Variants in ATP2C1 observed in about 807,000 individuals in gnomAD.
The protein encoded by ATP2C1 is calcium-transporting ATPase type 2C member 1.
In ATP2C1, 31 loss-of-function variants were observed where a neutral mutation model predicts 120.5. That is an observed-to-expected ratio of 0.26 (90% CI 0.19 to 0.35). ATP2C1 has a LOEUF of 0.35. ATP2C1 is among the 10% of genes least tolerant of loss of function. ATP2C1 has a pLI of 1.00. For synonymous variants in ATP2C1, 351 were observed against 358.7 expected (o/e 0.98, Z 0.24); for missense variants, 731 against 1,107.5 (o/e 0.66, Z 4.83).
chr3:130,866,451 C>CT (rs1323074299), intron 1 of ATP2C1, among the ~76,000 whole-genome samples: 2 of 152,226 alleles, frequency 1.3e-5, no homozygotes, highest in African/African-American at 4.8e-5. Context: ...TTCCCTACTC[C>CT]TCTTCTTTCA....
At chr3:130,854,771 C>A (rs566917693) in intron 1 of ATP2C1, among the ~76,000 whole-genome samples, 1 of 152,324 alleles carries the variant, frequency 6.6e-6, no homozygotes, top group Admixed American at 6.5e-5. Context: ...GTGGGACAGT[C>A]TACTCTCTCT....
At chr3:131,008,569 GGCAGCAAAGGTGAGCAGTT>G (rs900493677) in intron 26 of ATP2C1, among the ~76,000 whole-genome samples, 19 of 152,084 alleles carry the variant, frequency 1.2e-4, no homozygotes, top group East Asian at 5.8e-4. Flanking sequence ...GTCATGCTGT[GGCAGCAAAGGTGAGCAGTT>G]GCAGCAAAGG....
At chr3:130,881,389 C>A (rs755161789) in intron 1 of ATP2C1, among the ~76,000 whole-genome samples, 59 of 150,510 alleles carry the variant, frequency 3.9e-4, no homozygotes, top group Middle Eastern at 3.4e-3. Context: ...CCTCCTTTGT[C>A]TCTCTCTCAT....
rs199656717 is a variant in ATP2C1, at chr3:130,869,727, T to C, written c.108+18799T>C. On this transcript the variant is annotated intron_variant, in intron 1 of 26. Coordinates refer to the ATP2C1 transcript ENST00000504381. ...AATTCAGAGTAAGTCTCTAACTCTC[T>C]TGAATTCTGTGAAGGTTGAGAGAGG... 5.9e-5 allele frequency among the ~76,000 whole-genome samples: 9 copies of C among 152,322 alleles called. No individual in the cohort carries two copies. The East Asian group carries it at 1.5e-3, about 26-fold the overall frequency.
chr3:130,981,814 T>C (rs59783676), intron 20 of ATP2C1, among the ~76,000 whole-genome samples: 1,834 of 152,356 alleles, frequency 0.012, 39 homozygotes, highest in African/African-American at 0.041. Context: ...CTAGTGATGT[T>C]GAATATCTTT....
intron 2 of ATP2C1, among the ~76,000 whole-genome samples, chr3:130,907,061 T>G (rs1304929361): frequency 7.0e-6 from 1 of 142,498 alleles, no homozygotes; most frequent in African/African-American, 2.8e-5. Flanking sequence ...TTGTAAGAGT[T>G]CTTTATATAT....
chr3:130,943,242 G>GTC (rs1481736475), intron 8 of ATP2C1, among the ~76,000 whole-genome samples: 2 of 152,140 alleles, frequency 1.3e-5, no homozygotes, highest in African/African-American at 4.8e-5. Context: ...TTGAGATGGA[G>GTC]TCTCACTCTG....
At chr3:130,923,722 C>G (rs2059070367) in intron 2 of ATP2C1, among the ~76,000 whole-genome samples, 1 of 151,736 alleles carries the variant, frequency 6.6e-6, no homozygotes, top group African/African-American at 2.4e-5. Context: ...CAAAAATTAG[C>G]CAGGTGTGGT....
At chr3:130,961,244 A>G (rs2060805634) in intron 12 of ATP2C1, among the ~76,000 whole-genome samples, 1 of 49,146 alleles carries the variant, frequency 2.0e-5, no homozygotes. Flanking sequence ...GTTTTTGAGG[A>G]TTTGGGTTTT....
chr3:130,970,516 C>T (rs1008829770), intron 17 of ATP2C1, among the ~76,000 whole-genome samples: 2 of 152,010 alleles, frequency 1.3e-5, no homozygotes, highest in African/African-American at 4.8e-5. Flanking sequence ...CTTCAGCTTC[C>T]CAAGTAGCTG....
chr3:130,894,444 C>T lies in ATP2C1; in HGVS notation c.-181+107C>T. On this transcript the variant is annotated intron_variant, in intron 1 of 27. Coordinates refer to ENST00000510168, the MANE Select transcript of ATP2C1 (RefSeq NM_001378687.1). This position sits in a 1 kb window ranked among gnomAD's most constrained non-coding sequence, Gnocchi z 4.5. ...ATGGGGGGGCATCTCTAGGGCGCCG[C>T]CCCGCTGGCGTGAGCTGGGGACGTT... The T allele has an allele frequency of 3.1e-6, 4 of 1,309,498 alleles. No homozygotes were observed. Among genetic ancestry groups the T allele is most frequent in the Non-Finnish European group, 3.9e-6 (4 of 1,023,294 alleles). The allele number at this position is 1,309,498 out of a possible 1,614,324, so 81.1% of individuals were successfully genotyped here.
chr3:130,963,160 G>A (rs191284191), intron 12 of ATP2C1: 1 of 151,990 alleles, frequency 6.6e-6, no homozygotes, highest in Admixed American at 6.6e-5. Context: ...GATAAAATAC[G>A]CATATTATAA....
chr3:130,871,877 C>T (rs962570403), intron 1 of ATP2C1, among the ~76,000 whole-genome samples: 15 of 152,102 alleles, frequency 9.9e-5, no homozygotes, highest in Non-Finnish European at 2.9e-5. Flanking sequence ...CAAAAATTAG[C>T]CAGGCGTGCT....
At chr3:130,854,792 G>A (rs554636925) in intron 1 of ATP2C1, among the ~76,000 whole-genome samples, 1 of 152,178 alleles carries the variant, frequency 6.6e-6, no homozygotes, top group Non-Finnish European at 1.5e-5. Flanking sequence ...CCTTGGGTGA[G>A]TTCTTCTATT....
At position 130,927,920 on chromosome 3, in the gene ATP2C1, C is replaced by G. The variant is rs115432416; in HGVS notation, c.7-2496C>G. 4.6e-3 allele frequency: 717 copies of G among 155,272 alleles called. 5 individuals carry two copies. Among genetic ancestry groups the G allele is most frequent in the African/African-American group, 0.016 (653 of 41,638 alleles). 9.6% of individuals were successfully genotyped at this position (155,272 alleles called of 1,614,324 possible). On this transcript the variant is annotated intron_variant, in intron 2 of 27. Transcript: ENST00000510168. ...GTCAAAGGGGTTGCTGTTCTGTTTCCTCAGTGAGCTCCCAGAGTTGGTTCC... is the reference window on the plus strand; with the variant it reads ...GTCAAAGGGGTTGCTGTTCTGTTTCGTCAGTGAGCTCCCAGAGTTGGTTCC...
chr3:130,987,159 T>C (rs569724665), intron 20 of ATP2C1, among the ~76,000 whole-genome samples: 5 of 151,988 alleles, frequency 3.3e-5, no homozygotes, highest in South Asian at 4.2e-4. Flanking sequence ...TTTTAAACTT[T>C]TTTGAAAGAA....
At chr3:130,934,977 T>C (rs2059604466) in intron 5 of ATP2C1, among the ~76,000 whole-genome samples, 1 of 152,096 alleles carries the variant, frequency 6.6e-6, no homozygotes, top group East Asian at 1.9e-4. Flanking sequence ...GGACTACAGG[T>C]GTATGCTAAC....
intron 20 of ATP2C1, among the ~76,000 whole-genome samples, chr3:130,991,746 G>C (rs2062360777): frequency 6.6e-6 from 1 of 152,138 alleles, no homozygotes; most frequent in African/African-American, 2.4e-5. Flanking sequence ...TAAGAAGGTA[G>C]AATCTTTGAC....
At chr3:130,896,460 G>T (rs2069636727) in intron 2 of ATP2C1, among the ~76,000 whole-genome samples, 1 of 152,102 alleles carries the variant, frequency 6.6e-6, no homozygotes, top group South Asian at 2.1e-4. Context: ...ATTTTTGTCA[G>T]TTTCTCCCTA....
Sources: gnomAD v4.1 joint callset for allele counts (sites outside exome capture counted in the v4.1 genomes callset) on GRCh38, gnomAD v4.1.1 for gene constraint, Gnocchi (gnomAD v3.1) non-coding constraint, MANE v1.5 for transcripts, NCBI Gene and HGNC (gene_info 2026-07-23, HGNC 2026-07-21) for gene names.